GLG1: variants seen among roughly 807,000 people sequenced by gnomAD.
GLG1 encodes golgi glycoprotein 1.
Under a neutral mutation model 160.5 loss-of-function variants are expected in GLG1, and 38 were observed. The observed-to-expected ratio is 0.24, with a 90% CI of 0.18 to 0.31. GLG1 has a LOEUF of 0.31. Among genes scored for constraint, GLG1 ranks in the 10% least tolerant of loss-of-function variants. The pLI is 1.00. For synonymous variants in GLG1, 644 were observed against 543.4 expected, an observed-to-expected ratio of 1.19 and a Z score of -2.57; for missense variants, 1,373 against 1,505.2, an observed-to-expected ratio of 0.91 and a Z score of 1.45.
At chr16:74,455,664 A>T (rs747732602) in intron 25 of GLG1, among the ~76,000 whole-genome samples, 6 of 152,136 alleles carry the variant, frequency 3.9e-5, no homozygotes, top group Non-Finnish European at 4.4e-5. Context: ...GGGTGATAAA[A>T]TTGGCCAGGA....
At chr16:74,515,070 G>C (rs1190485021) in intron 2 of GLG1, among the ~76,000 whole-genome samples, 8 of 152,100 alleles carry the variant, frequency 5.3e-5, no homozygotes, top group Non-Finnish European at 8.8e-5. Context: ...TAATGGTAAA[G>C]GGATCAATTC....
intron 4 of GLG1, among the ~76,000 whole-genome samples, chr16:74,498,447 A>AAATATATATATATATATATAT (rs1491293119): frequency 3.7e-4 from 3 of 8,208 alleles, no homozygotes; most frequent in South Asian, 5.4e-3. Flanking sequence ...AAAAAAAAAA[A>AAATATATATATATATATATAT]GTATATATAT....
At chr16:74,591,665 C>T (rs776437011) in intron 1 of GLG1, among the ~76,000 whole-genome samples, 30 of 151,944 alleles carry the variant, frequency 2.0e-4, no homozygotes, top group Non-Finnish European at 2.8e-4. Flanking sequence ...AAATTTTTTG[C>T]GCTGTCCTTA....
intron 1 of GLG1, among the ~76,000 whole-genome samples, chr16:74,593,919 A>G (rs1052493333): frequency 8.0e-5 from 12 of 150,880 alleles, no homozygotes; most frequent in Non-Finnish European, 1.5e-5. Context: ...TCTTGTTGTC[A>G]TTTTTTTGAG....
Position 74,511,599 on chromosome 16 carries a change from AAAAG to A in GLG1, c.472-2678_472-2675del, listed in dbSNP as rs1227811955. ...CCTTTTTTTTTTAAAAAAAAAAAAA[AAAAG>A]AAAGAAAGAAAGAAAGAAAAGAAAA... On this transcript the variant is annotated intron_variant, in intron 2 of 25. Transcript: ENST00000422840. Among the ~76,000 whole-genome samples, 523 of 146,576 alleles carry A rather than the reference AAAAG, an allele frequency of 3.6e-3. 2 individuals are homozygous for A. The highest frequency in any genetic ancestry group is 9.0e-3 in the African/African-American group (358 of 39,718).
At chr16:74,454,534 C>T (rs191617886) in intron 25 of GLG1, among the ~76,000 whole-genome samples, 13 of 151,470 alleles carry the variant, frequency 8.6e-5, no homozygotes, top group South Asian at 6.3e-4. Flanking sequence ...GGCGTGGTGG[C>T]GCTCGCCTGC....
intron 1 of GLG1, among the ~76,000 whole-genome samples, chr16:74,599,699 C>T (rs1958393402): frequency 6.6e-6 from 1 of 152,158 alleles, no homozygotes; most frequent in Admixed American, 6.5e-5. Flanking sequence ...CCCGTCTCTA[C>T]TAAAAATGCA....
intron 2 of GLG1, among the ~76,000 whole-genome samples, chr16:74,511,595 A>G (rs2016808406): frequency 6.6e-6 from 1 of 150,624 alleles, no homozygotes; most frequent in Non-Finnish European, 1.5e-5. Context: ...TAAAAAAAAA[A>G]AAAAAAAGAA....
chr16:74,516,000 G>A (rs2016966258), intron 2 of GLG1, among the ~76,000 whole-genome samples: 1 of 151,534 alleles, frequency 6.6e-6, no homozygotes, highest in African/African-American at 2.4e-5. Flanking sequence ...AACAAGAAGA[G>A]CTAACTATCC....
chr16:74,516,261 A>G (rs2016975086), intron 2 of GLG1, among the ~76,000 whole-genome samples: 1 of 151,780 alleles, frequency 6.6e-6, no homozygotes, highest in South Asian at 2.1e-4. Context: ...CATTCTTTTC[A>G]GCACCACACC....
chr16:74,574,651 G>C (rs544514700), intron 1 of GLG1, among the ~76,000 whole-genome samples: 1 of 151,862 alleles, frequency 6.6e-6, no homozygotes. Flanking sequence ...GGGAGGCTGA[G>C]GAGGGAGGAT....
At chr16:74,587,137 G>A (rs1958072688) in intron 1 of GLG1, among the ~76,000 whole-genome samples, 1 of 152,090 alleles carries the variant, frequency 6.6e-6, no homozygotes, top group Admixed American at 6.6e-5. Context: ...CTCCCATTGT[G>A]AACGAGACAC....
intron 13 of GLG1, among the ~76,000 whole-genome samples, chr16:74,473,652 G>C (rs1006777661): frequency 2.0e-5 from 3 of 151,960 alleles, no homozygotes; most frequent in African/African-American, 7.3e-5. Context: ...GTGTTAGCCA[G>C]GATGGTCTCG....
intron 9 of GLG1, among the ~76,000 whole-genome samples, chr16:74,484,520 T>C (rs1597252554): frequency 6.6e-6 from 1 of 151,780 alleles, no homozygotes; most frequent in African/African-American, 2.4e-5. Flanking sequence ...CCCAACACTT[T>C]GGGAGGCCGA....
chr16:74,556,578 G>T (rs1337801570), intron 1 of GLG1, among the ~76,000 whole-genome samples: 1 of 152,056 alleles, frequency 6.6e-6, no homozygotes, highest in East Asian at 1.9e-4. Context: ...CAGCTACTGG[G>T]GAGGCAGAGG....
chr16:74,565,794 C>T (rs1160522507), intron 1 of GLG1, among the ~76,000 whole-genome samples: 1 of 152,198 alleles, frequency 6.6e-6, no homozygotes, highest in East Asian at 1.9e-4. Flanking sequence ...TCTTTTAACA[C>T]ACCTTATTGG....
At chr16:74,474,508 G>A in intron 13 of GLG1, 38 bp downstream of exon 13, 2 of 946,892 alleles carry the variant, frequency 2.1e-6, no homozygotes, top group Admixed American at 1.7e-5. Flanking sequence ...GATGCTGGCA[G>A]CCACTCTCCT....
At chr16:74,592,019 T>C (rs991872319) in intron 1 of GLG1, among the ~76,000 whole-genome samples, 2 of 152,208 alleles carry the variant, frequency 1.3e-5, no homozygotes, top group Non-Finnish European at 2.9e-5. Context: ...TGTATGTATG[T>C]AGAGTTGGGC....
chr16:74,575,011 G>A (rs916539937), intron 1 of GLG1, among the ~76,000 whole-genome samples: 3 of 43,640 alleles, frequency 6.9e-5, no homozygotes, highest in South Asian at 7.9e-4. Flanking sequence ...GAGGCCGGGG[G>A]GGGGGGGGGG....
Sources: gnomAD v4.1 joint callset for allele counts (sites outside exome capture counted in the v4.1 genomes callset) on GRCh38, gnomAD v4.1.1 for gene constraint, MANE v1.5 for transcripts, NCBI Gene and HGNC (gene_info 2026-07-23, HGNC 2026-07-21) for gene names.